The following EME1 variants were observed in gnomAD, a reference collection of about 807,000 sequenced individuals.
The protein encoded by EME1 is essential meiotic structure-specific endonuclease 1, also known as structure-specific endonuclease subunit EME1.
EME1 carries 61 observed loss-of-function variants against 59.1 expected under a neutral mutation model. The ratio of observed to expected loss-of-function variants is 1.03; its 90% CI spans 0.84 to 1.28. The LOEUF is 1.28. Ranked by LOEUF, EME1 falls within the 50% of genes most tolerant of loss-of-function variation. The pLI is 0.00. For synonymous variants in EME1, 230 were observed against 254.2 expected, an observed-to-expected ratio of 0.90 and a Z score of 0.90; for missense variants, 635 against 682.6, an observed-to-expected ratio of 0.93 and a Z score of 0.78.
In EME1 at chr17:50,381,089, C is replaced by G; in HGVS notation, c.*150C>G. ...CTTGGGTCTTATTATTTGTGAAGGT[C>G]TCTCTGCCTGTCGGCTGGGGCAGAG... On this transcript the variant is annotated 3_prime_UTR_variant, in exon 9 of 9. Coordinates refer to ENST00000338165, the MANE Select transcript of EME1 (RefSeq NM_152463.4). The G allele has an allele frequency of 1.2e-6, 1 of 826,564 alleles. No individual in the cohort carries two copies. Among genetic ancestry groups the G allele is most frequent in the Non-Finnish European group, 1.8e-6 (1 of 542,368 alleles). 51.2% of individuals were successfully genotyped at this position (826,564 alleles called of 1,614,324 possible).
chr17:50,375,634 C>T lies in EME1; in HGVS notation c.426C>T (p.Ile142=). The T allele has an allele frequency of 1.2e-6, 2 of 1,614,092 alleles. No individual in the cohort carries two copies. The highest frequency in any genetic ancestry group is 1.7e-6 in the Non-Finnish European group (2 of 1,180,016). Residue 142 remains isoleucine, a synonymous_variant, in exon 2 of 9, where the codon ATC becomes ATT. Transcript: ENST00000338165. The part of the protein sequence containing the change: ...SCDWKKPFPK[I]PEVPLHDTPE... ...ACTGGAAAAAGCCCTTTCCAAAGAT[C>T]CCTGAAGTTCCCCTCCATGATACCC... is the stretch of plus-strand genomic sequence containing the variant.
In EME1 at chr17:50,380,468, G is replaced by A. The variant is rs1295416572; in HGVS notation, c.1503G>A (p.Val501=). 6.2e-7 allele frequency: 1 copy of A among 1,614,092 alleles called. No homozygotes were observed. Among genetic ancestry groups the A allele is most frequent in the Admixed American group, 1.7e-5 (1 of 60,024 alleles). Residue 501 remains valine, a synonymous_variant, in exon 8 of 9, where the codon GTG becomes GTA. Transcript: ENST00000338165. ...GCCTGGAAATGGCCAGTGCAGTTGTGAATGCCTATCCCTCCCCACAGCTCC... is the reference window on the plus strand; with the variant it reads ...GCCTGGAAATGGCCAGTGCAGTTGTAAATGCCTATCCCTCCCCACAGCTCC... ...RVSLEMASAV[V]NAYPSPQLLV... is the part of the protein sequence containing the mutation.
intron 5 of EME1, 84 bp from the exon 6 acceptor site, chr17:50,379,023 G>C (rs1187864682): frequency 6.2e-7 from 1 of 1,612,942 alleles, no homozygotes; most frequent in Admixed American, 1.7e-5. Context: ...AGTCCAGGGG[G>C]ATGCTCTGGT....
chr17:50,378,674 G>C lies in EME1; in HGVS notation c.983G>C (p.Gly328Ala). Residue 328 changes from glycine (G) to alanine (A), a missense_variant, in exon 4 of 9, where the codon GGA becomes GCA. Coordinates refer to ENST00000338165, the MANE Select transcript of EME1 (RefSeq NM_152463.4). The stretch of plus-strand genomic sequence containing the variant: ...GCATTTGTGTCCATGATCGACAATG[G>C]AAAGCAGGTGGGCAGAGCCAGAGGG... ...AEAFVSMIDNGKQGSLDSTMK... is the reference protein window; with the variant it reads ...AEAFVSMIDNAKQGSLDSTMK... The C allele has an allele frequency of 6.2e-7, 1 of 1,614,148 alleles. No homozygotes were observed. Among genetic ancestry groups the C allele is most frequent in the Middle Eastern group, 1.6e-4 (1 of 6,062 alleles).
rs778375819 is a variant in EME1 at position 50,380,793 on chromosome 17, C to A, written c.1567C>A (p.Arg523Ser). ...TCAGCAGTGTTTTTCGGATAAAGAA[C>A]GCCAGAATTTGCTCGCAGACATACA... ...AYQQCFSDKERQNLLADIQVR... is the reference protein window; with the variant it reads ...AYQQCFSDKESQNLLADIQVR... The change falls in exon 9 of 9, where the codon CGC becomes AGC. Residue 523 changes from arginine to serine, a missense_variant. By Grantham distance (110) the Arg-to-Ser change is moderately radical. Transcript: ENST00000338165. 1 of 1,614,078 alleles carries A rather than the reference C, an allele frequency of 6.2e-7. No homozygotes were observed. Among genetic ancestry groups the A allele is most frequent in the African/African-American group, 1.3e-5 (1 of 74,918 alleles).
chr17:50,378,903 T>C lies in EME1; in HGVS notation c.1112+8T>C, dbSNP rs780744447. On this transcript the variant is annotated splice_region_variant and intron_variant, in intron 5 of 8. Transcript: ENST00000338165. ...TCAGGAGAAATGCTTCAGGTTTGGA[T>C]TTGCCCTGGTGATTTCATGTTAAAA... 31 of 1,614,038 alleles carry C rather than the reference T, an allele frequency of 1.9e-5. No homozygotes were observed. The highest frequency in any genetic ancestry group is 2.4e-5 in the Non-Finnish European group (28 of 1,180,022).
chr17:50,381,107 G>A lies in EME1; in HGVS notation c.*168G>A. ...TGAAGGTCTCTCTGCCTGTCGGCTG[G>A]GGCAGAGACTGAAATACTGCCACCT... On this transcript the variant is annotated 3_prime_UTR_variant, in exon 9 of 9. Transcript: ENST00000338165. The A allele has an allele frequency of 4.1e-6, 3 of 731,704 alleles. No individual in the cohort carries two copies. Among genetic ancestry groups the A allele is most frequent in the Admixed American group, 2.9e-5 (1 of 34,114 alleles). The allele number at this position is 731,704 out of a possible 1,614,324, so 45.3% of individuals were successfully genotyped here. A position where few individuals can be genotyped will look rare whatever the true frequency, so the allele number is the denominator to read the frequency against.
Position 50,379,165 on chromosome 17 carries a change from C to T in EME1, c.1171C>T (p.Gln391Ter). The part of the protein sequence containing the change: ...QGANKQTKKQ[Q>*]QRQPEASIGS... ...AGCAAATAAACAGACCAAGAAGCAG[C>T]AGCAGAGACAACCAGAGGCCAGCAT... The change falls in exon 6 of 9, where the codon CAG becomes TAG. Residue 391 changes from glutamine to a stop codon, truncating the protein, a stop_gained. Transcript: ENST00000338165. LOFTEE classifies it high-confidence loss of function. 1 of 1,614,164 alleles carries T rather than the reference C, an allele frequency of 6.2e-7. No homozygotes were observed. Among genetic ancestry groups the T allele is most frequent in the Non-Finnish European group, 8.5e-7 (1 of 1,180,038 alleles).
chr17:50,378,074 C>CTTTT (rs548303320), intron 3 of EME1, among the ~76,000 whole-genome samples: 5 of 140,666 alleles, frequency 3.6e-5, no homozygotes, highest in Non-Finnish European at 6.2e-5. Flanking sequence ...TGCTATGTTC[C>CTTTT]TTTTTTTTTT....
Position 50,380,415 on chromosome 17 carries a change from A to C in EME1, c.1450A>C (p.Arg484=), listed in dbSNP as rs144283198. The part of the protein sequence containing the change: ...AGRGLALVWR[R]QIQQLNRVSL... Reference sequence around the variant, plus strand: ...CAGGGGACTCGCACTAGTCTGGAGGAGACAGATTCAGCAGCTGAACCGAGT... The same window carrying C: ...CAGGGGACTCGCACTAGTCTGGAGGCGACAGATTCAGCAGCTGAACCGAGT... The change falls in exon 8 of 9, where the codon AGA becomes CGA. Residue 484 remains arginine (R), a synonymous_variant. Transcript: ENST00000338165. 4 of 1,614,046 alleles carry C rather than the reference A, an allele frequency of 2.5e-6. No individual in the cohort carries two copies. In the African/African-American group the frequency reaches 5.3e-5, roughly 22 times the overall value.
intron 1 of EME1, 36 bp from the exon 2 acceptor site, chr17:50,375,149 G>T: frequency 1.3e-6 from 2 of 1,518,406 alleles, no homozygotes; most frequent in South Asian, 2.5e-5. Context: ...TGAATTGAAT[G>T]CTCCAGTCTG....
chr17:50,375,487 T>C lies in EME1; in HGVS notation c.279T>C (p.Phe93=). ...GTGAAAGTGAAGATGAAGAAGAATT[T>C]ATTCCTCTGGCTCAAAGGCTTACAT... ...LSSESEDEEE[F]IPLAQRLTCK... The change falls in exon 2 of 9, where the codon TTT becomes TTC. Residue 93 remains phenylalanine (F), a synonymous_variant. Transcript: ENST00000338165. The C allele has an allele frequency of 6.2e-7, 1 of 1,613,956 alleles. No individual in the cohort carries two copies. Among genetic ancestry groups the C allele is most frequent in the South Asian group, 1.1e-5 (1 of 91,050 alleles).
At position 50,380,888 on chromosome 17, in the gene EME1, C is replaced by T. The variant is rs1326438103; in HGVS notation, c.1662C>T (p.Tyr554=). The T allele has an allele frequency of 6.2e-7, 1 of 1,614,080 alleles. No individual in the cohort carries two copies. Among genetic ancestry groups the T allele is most frequent in the Non-Finnish European group, 8.5e-7 (1 of 1,180,038 alleles). The change falls in exon 9 of 9, where the codon TAC becomes TAT. Residue 554 remains tyrosine (Y), a synonymous_variant. Transcript: ENST00000338165. Reference sequence around the variant, plus strand: ...GACCAGAACTATCCAGGCGTATCTACCTTCAGATGACCACTTTACAGCCAC... The same window carrying T: ...GACCAGAACTATCCAGGCGTATCTATCTTCAGATGACCACTTTACAGCCAC... The part of the protein sequence containing the change: ...RIGPELSRRI[Y]LQMTTLQPHL...
In EME1 at chr17:50,375,847, C is replaced by G; in HGVS notation, c.639C>G (p.Cys213Trp). 1.9e-6 allele frequency: 3 copies of G among 1,614,164 alleles called. No individual in the cohort carries two copies. Among genetic ancestry groups the G allele is most frequent in the Non-Finnish European group, 2.5e-6 (3 of 1,180,038 alleles). ...QKVQGRGSHG[C>W]RQQRQARQKE... The stretch of plus-strand genomic sequence containing the variant: ...TCCAGGGAAGAGGCTCACACGGATG[C>G]CGGCAGCAGAGACAAGCAAGGCAGA... Residue 213 changes from cysteine (C) to tryptophan (W), a missense_variant, in exon 2 of 9, where the codon TGC becomes TGG. By Grantham distance (215) the Cys-to-Trp change is radical. Transcript: ENST00000338165.
rs1489315702 is a variant in EME1, at chr17:50,375,641, G to C, written c.433G>C (p.Val145Leu). The C allele has an allele frequency of 3.1e-6, 5 of 1,614,040 alleles. No individual in the cohort carries two copies. The African/African-American group carries it at 6.7e-5, about 22-fold the overall frequency. Residue 145 changes from valine to leucine, a missense_variant, in exon 2 of 9, where the codon GTT (valine) becomes CTT (leucine). Coordinates refer to ENST00000338165, the MANE Select transcript of EME1 (RefSeq NM_152463.4). ...AAAGCCCTTTCCAAAGATCCCTGAA[G>C]TTCCCCTCCATGATACCCCAGAGAG... ...WKKPFPKIPE[V>L]PLHDTPERSA...
Position 50,375,899 on chromosome 17 carries a change from A to G in EME1, c.691A>G (p.Arg231Gly), listed in dbSNP as rs764510898. 3.1e-6 allele frequency: 5 copies of G among 1,613,888 alleles called. No individual in the cohort carries two copies. Among genetic ancestry groups the G allele is most frequent in the Non-Finnish European group, 4.2e-6 (5 of 1,179,898 alleles). ...GGAAAGCACCCTGAGAAGACAGGAA[A>G]GAAAGAATGCAGCACTGGTTACCAG... ...QKESTLRRQE[R>G]KNAALVTRMK... The change falls in exon 2 of 9, where the codon AGA becomes GGA. Residue 231 changes from arginine (R) to glycine (G), a missense_variant. Arg to Gly is a moderately radical substitution (Grantham distance 125). Coordinates refer to ENST00000338165, the MANE Select transcript of EME1 (RefSeq NM_152463.4).
rs61744234 is a variant in EME1, at chr17:50,380,483, C to T, written c.1518C>T (p.Ser506=). Residue 506 remains serine, a synonymous_variant, in exon 8 of 9, where the codon TCC becomes TCT. Transcript: ENST00000338165. ...MASAVVNAYP[S]PQLLVQAYQQ... Reference sequence around the variant, plus strand: ...GTGCAGTTGTGAATGCCTATCCCTCCCCACAGCTCCTGGTACAGGTATGCT... The same window carrying T: ...GTGCAGTTGTGAATGCCTATCCCTCTCCACAGCTCCTGGTACAGGTATGCT... 2.1e-4 allele frequency: 336 copies of T among 1,613,886 alleles called. No individual in the cohort carries two copies. The African/African-American group carries it at 4.2e-3, about 20-fold the overall frequency.
In EME1 at chr17:50,375,761, G is replaced by A. The variant is rs377636540; in HGVS notation, c.553G>A (p.Val185Ile). The change falls in exon 2 of 9, where the codon GTA (valine) becomes ATA (isoleucine). Residue 185 changes from valine to isoleucine, a missense_variant. Physicochemically the swap from Val to Ile is conservative, Grantham distance 29. Transcript: ENST00000338165. Reference sequence around the variant, plus strand: ...CCCTGGCCAGAGCAGCAGCTTGGCAGTAACCAAAACAAATTCTGACATCCT... The same window carrying A: ...CCCTGGCCAGAGCAGCAGCTTGGCAATAACCAAAACAAATTCTGACATCCT... ...TCPGQSSSLAVTKTNSDILPP... is the reference protein window; with the variant it reads ...TCPGQSSSLAITKTNSDILPP... 2.5e-5 allele frequency: 41 copies of A among 1,614,050 alleles called. 1 individual carries two copies. The highest frequency in any genetic ancestry group is 1.6e-4 in the Middle Eastern group (1 of 6,084).
Position 50,375,962 on chromosome 17 carries a change from A to T in EME1, c.754A>T (p.Ile252Phe), listed in dbSNP as rs769222698. 1 of 1,607,244 alleles carries T rather than the reference A, an allele frequency of 6.2e-7. No homozygotes were observed. The highest frequency in any genetic ancestry group is 8.5e-7 in the Non-Finnish European group (1 of 1,175,572). Residue 252 changes from isoleucine to phenylalanine, a missense_variant, in exon 2 of 9, where the codon ATC (isoleucine) becomes TTC (phenylalanine). Ile to Phe is a conservative substitution (Grantham distance 21). Transcript: ENST00000338165. Reference sequence around the variant, plus strand: ...GAGGCCAGAGGAATGCTTAAAACACATCATTGTAGTGCTGGATCCAGGTCC... The same window carrying T: ...GAGGCCAGAGGAATGCTTAAAACACTTCATTGTAGTGCTGGATCCAGGTCC... ...AQRPEECLKH[I>F]IVVLDPVLLQ...
Sources: gnomAD v4.1 joint callset for allele counts (sites outside exome capture counted in the v4.1 genomes callset) on GRCh38, gnomAD v4.1.1 for gene constraint, MANE v1.5 for transcripts, NCBI Gene and HGNC (gene_info 2026-07-23, HGNC 2026-07-21) for gene names.